BTBD1: variants seen among roughly 807,000 people sequenced by gnomAD.
BTBD1 encodes the protein BTB/POZ domain-containing protein 1.
Under a neutral mutation model 48.0 loss-of-function variants are expected in BTBD1, and 34 were observed. The ratio of observed to expected loss-of-function variants is 0.71; its 90% CI spans 0.54 to 0.94. BTBD1 has a LOEUF of 0.94. Ranked by LOEUF, BTBD1 falls within the 40% of genes least tolerant of loss-of-function variation. The pLI is 0.00. For missense variants in BTBD1, 543 were observed against 625.6 expected (o/e 0.87, Z 1.41); for synonymous variants, 261 against 242.1 (o/e 1.08, Z -0.72).
intron 3 of BTBD1, chr15:83,044,405 T>C (rs2032833772): frequency 6.4e-7 from 1 of 1,565,456 alleles, no homozygotes; most frequent in Non-Finnish European, 8.7e-7. Context: ...AGATGGCGCC[T>C]GGTGGACAGC....
chr15:83,018,361 A>C, intron 7 of BTBD1, 136 bp from the exon 8 acceptor site: 1 of 784,380 alleles, frequency 1.3e-6, no homozygotes, highest in Non-Finnish European at 1.8e-6. Context: ...CATTTAGAGA[A>C]AAATGAAGTT....
intron 1 of BTBD1, among the ~76,000 whole-genome samples, chr15:83,062,004 C>T (rs2033183790): frequency 6.6e-6 from 1 of 152,022 alleles, no homozygotes; most frequent in South Asian, 2.1e-4. Context: ...AAGTGTGGAG[C>T]CCTGGCAGAA....
chr15:83,063,261 C>A (rs567641682), intron 1 of BTBD1, among the ~76,000 whole-genome samples: 1 of 152,310 alleles, frequency 6.6e-6, no homozygotes, highest in Admixed American at 6.5e-5. Flanking sequence ...TACATGCCTT[C>A]CTAGGTAATC....
At chr15:83,037,776 C>T (rs777189392) in intron 4 of BTBD1, among the ~76,000 whole-genome samples, 21 of 152,118 alleles carry the variant, frequency 1.4e-4, no homozygotes, top group Non-Finnish European at 2.6e-4. Context: ...GCTTCTATAC[C>T]TACAGAACCC....
intron 1 of BTBD1, among the ~76,000 whole-genome samples, chr15:83,061,211 T>C (rs536189603): frequency 4.6e-5 from 7 of 152,294 alleles, no homozygotes; most frequent in South Asian, 2.1e-4. Flanking sequence ...CTGAATACTA[T>C]AGGCAACTTT....
At chr15:83,020,578 A>T in intron 6 of BTBD1, 97 bp downstream of exon 6, 1 of 812,394 alleles carries the variant, frequency 1.2e-6, no homozygotes, top group Non-Finnish European at 2.0e-6. Flanking sequence ...GATTGCTTTG[A>T]CAATTATATT....
At chr15:83,037,293 G>A (rs2032649169) in intron 4 of BTBD1, among the ~76,000 whole-genome samples, 1 of 152,190 alleles carries the variant, frequency 6.6e-6, no homozygotes, top group African/African-American at 2.4e-5. Flanking sequence ...TGGCTAAGAG[G>A]TGAAGGTGGA....
In BTBD1 at chr15:83,032,969, C is replaced by CAAAAAAAAAAA. The variant is rs56152195; in HGVS notation, c.863-2652_863-2642dup. 4.0e-3 allele frequency among the ~76,000 whole-genome samples: 347 copies of CAAAAAAAAAAA among 86,964 alleles called. 16 individuals are homozygous for CAAAAAAAAAAA. The highest frequency in any genetic ancestry group is 0.017 in the African/African-American group (334 of 20,044). The allele number at this position is 86,964 out of a possible 152,430, so 57.1% of individuals were successfully genotyped here. On this transcript the variant is annotated intron_variant, in intron 4 of 7. Transcript: ENST00000261721. ...GCTGGGTGACAGTCTTACTCTGTCTCAAAAAAAAAAAAAAAAAAACAGAAT... is the reference window on the plus strand; with the variant it reads ...GCTGGGTGACAGTCTTACTCTGTCTCAAAAAAAAAAAAAAAAAAAAAAAAAAAAAACAGAAT...
rs920024847 is a variant in BTBD1 at position 83,067,199 on chromosome 15, T to C, written c.-48A>G. Reference sequence around the variant, plus strand: ...CGTTATGGACAAAACTCCGCCGCCATCGCCCAGGCCGCCTCCGGAGGCCGG... The same window carrying C: ...CGTTATGGACAAAACTCCGCCGCCACCGCCCAGGCCGCCTCCGGAGGCCGG... On this transcript the variant is annotated 5_prime_UTR_variant, in exon 1 of 8. An upstream start codon of the reference 5' UTR is lost. Transcript: ENST00000261721. The C allele has an allele frequency of 4.7e-5, 64 of 1,352,408 alleles. No individual in the cohort carries two copies. The highest frequency in any genetic ancestry group is 5.8e-5 in the Non-Finnish European group (61 of 1,053,992). 83.8% of individuals were successfully genotyped at this position (1,352,408 alleles called of 1,614,324 possible).
At chr15:83,041,615 C>T (rs2032761238) in intron 4 of BTBD1, 113 bp downstream of exon 4, 1 of 889,222 alleles carries the variant, frequency 1.1e-6, no homozygotes. Flanking sequence ...TCAAGTGATC[C>T]ACCTGCCTTG....
rs1239951056 is a variant in BTBD1, at chr15:83,044,554, A to G, written c.665-2629T>C. On this transcript the variant is annotated intron_variant, in intron 3 of 7. Coordinates refer to ENST00000261721, the MANE Select transcript of BTBD1 (RefSeq NM_025238.4). ...AAAACCGAGAGCACTTTGAAAACAC[A>G]GTTTTCTTGTACCCTGGGAGAGAAG... is the stretch of plus-strand genomic sequence containing the variant. 8.8e-6 allele frequency: 14 copies of G among 1,592,922 alleles called. No homozygotes were observed. The Middle Eastern group carries it at 5.0e-4, about 56-fold the overall frequency.
intron 4 of BTBD1, 63 bp downstream of exon 4, chr15:83,041,665 G>A (rs2032762191): frequency 1.3e-6 from 2 of 1,510,708 alleles, no homozygotes; most frequent in African/African-American, 2.7e-5. Flanking sequence ...TGAGCCACCA[G>A]GCCCAGCCCT....
intron 5 of BTBD1, among the ~76,000 whole-genome samples, chr15:83,027,992 TATC>T (rs1368885264): frequency 6.6e-6 from 1 of 152,222 alleles, no homozygotes; most frequent in Admixed American, 6.5e-5. Context: ...CTAGATCACT[TATC>T]AATTAAAAAA....
In BTBD1 at chr15:83,041,767, T is replaced by C. The variant is rs548102864; in HGVS notation, c.823A>G (p.Ile275Val). The change falls in exon 4 of 8, where the codon ATC (isoleucine) becomes GTC (valine). Residue 275 changes from isoleucine (I) to valine (V), a missense_variant. Around this residue, in one of 3 missense-constraint regions of BTBD1, gnomAD observed 300 missense variants for 350.0 expected, o/e 0.86. Transcript: ENST00000261721. The part of the protein sequence containing the change: ...QKVLGKALSL[I>V]RFPLMTIEEF... Reference sequence around the variant, plus strand: ...TCAATTGTCATCAGTGGGAACCGGATTAAGGAAAGTGCTTTTCCTAGAACT... The same window carrying C: ...TCAATTGTCATCAGTGGGAACCGGACTAAGGAAAGTGCTTTTCCTAGAACT... 3.1e-6 allele frequency: 5 copies of C among 1,614,192 alleles called. No individual in the cohort carries two copies. The highest frequency in any genetic ancestry group is 2.2e-5 in the East Asian group (1 of 44,894).
intron 2 of BTBD1, among the ~76,000 whole-genome samples, chr15:83,051,904 A>ACACACACACACACACC (rs61375537): frequency 2.7e-5 from 4 of 149,882 alleles, no homozygotes; most frequent in South Asian, 2.1e-4. Flanking sequence ...ACACACACAC[A>ACACACACACACACACC]TCTATCTGGG....
chr15:83,040,822 T>C (rs2032740150), intron 4 of BTBD1, among the ~76,000 whole-genome samples: 1 of 151,706 alleles, frequency 6.6e-6, no homozygotes, highest in Non-Finnish European at 1.5e-5. Context: ...GAAGTGGTCA[T>C]GGAGACTCAA....
intron 1 of BTBD1, among the ~76,000 whole-genome samples, chr15:83,065,470 T>C (rs1047968166): frequency 1.3e-5 from 2 of 152,250 alleles, no homozygotes; most frequent in Non-Finnish European, 2.9e-5. Flanking sequence ...TTGTTTCTAG[T>C]TGTGTGAACT....
At chr15:83,040,395 G>A in intron 4 of BTBD1, among the ~76,000 whole-genome samples, 1 of 151,990 alleles carries the variant, frequency 6.6e-6, no homozygotes, top group East Asian at 1.9e-4. Context: ...AATAAAAGTT[G>A]AAATTATTTT....
intron 4 of BTBD1, among the ~76,000 whole-genome samples, chr15:83,033,276 A>C (rs997642138): frequency 1.3e-5 from 2 of 152,172 alleles, no homozygotes; most frequent in Non-Finnish European, 2.9e-5. Flanking sequence ...GAGTTGAGAG[A>C]ATCTGGTTAG....
Sources: gnomAD v4.1 joint callset for allele counts (sites outside exome capture counted in the v4.1 genomes callset) on GRCh38, gnomAD v4.1.1 for gene constraint, gnomAD v4.1.1 regional missense constraint, MANE v1.5 for transcripts, NCBI Gene and HGNC (gene_info 2026-07-23, HGNC 2026-07-21) for gene names.